Variants in GRID2 observed in about 807,000 individuals in gnomAD.
GRID2 encodes glutamate receptor ionotropic, delta-2.
GRID2 carries 33 observed loss-of-function variants against 114.8 expected under a neutral mutation model. The ratio of observed to expected loss-of-function variants is 0.29; its 90% confidence interval spans 0.22 to 0.38. The LOEUF (loss-of-function observed/expected upper bound fraction) is 0.38, where lower values mean the gene tolerates loss of function less well. Ranked by LOEUF, GRID2 falls within the 10% of genes least tolerant of loss-of-function variation. The pLI, the probability that GRID2 is intolerant of heterozygous loss-of-function variation, is 1.00. For missense variants in GRID2, 1,184 were observed against 1,257.7 expected, an observed-to-expected ratio of 0.94 and a Z score of 0.89; for synonymous variants, 505 against 449.9, an observed-to-expected ratio of 1.12 and a Z score of -1.55.
At chr4:92,672,605 T>C (rs1733129240) in intron 2 of GRID2, among the ~76,000 whole-genome samples, 1 of 152,162 alleles carries the variant, frequency 6.6e-6, no homozygotes, top group African/African-American at 2.4e-5. Context: ...TTATATTTAA[T>C]GTACTTATTG....
intron 13 of GRID2, among the ~76,000 whole-genome samples, chr4:93,537,333 T>C (rs1732196002): frequency 1.3e-5 from 2 of 151,696 alleles, no homozygotes; most frequent in Non-Finnish European, 3.0e-5. Flanking sequence ...AGCAGGTTTT[T>C]GAGAGATATA....
chr4:92,720,949 A>G (rs1735781243), intron 2 of GRID2, among the ~76,000 whole-genome samples: 1 of 152,278 alleles, frequency 6.6e-6, no homozygotes, highest in Non-Finnish European at 1.5e-5. Flanking sequence ...TGGTATAAAT[A>G]TAATGGAATA....
chr4:93,017,188 A>G (rs1722830974), intron 2 of GRID2, among the ~76,000 whole-genome samples: 1 of 152,176 alleles, frequency 6.6e-6, no homozygotes, highest in South Asian at 2.1e-4. Flanking sequence ...AAAACCAAGA[A>G]TAGGAATGTT....
At chr4:92,440,819 G>C (rs932359339) in intron 1 of GRID2, among the ~76,000 whole-genome samples, 1 of 152,166 alleles carries the variant, frequency 6.6e-6, no homozygotes, top group African/African-American at 2.4e-5. Context: ...TGGGGGTCAA[G>C]TGTGGTATCA....
chr4:92,305,657 A>G (rs1725356530), intron 1 of GRID2, among the ~76,000 whole-genome samples: 1 of 152,002 alleles, frequency 6.6e-6, no homozygotes, highest in Admixed American at 6.5e-5. Context: ...GGCCCCACCT[A>G]TTGGCAACCA....
chr4:92,544,367 T>C (rs1212522360), intron 1 of GRID2, among the ~76,000 whole-genome samples: 1 of 152,080 alleles, frequency 6.6e-6, no homozygotes, highest in Non-Finnish European at 1.5e-5. Context: ...GTACAACTGG[T>C]ATTAGTTTTT....
chr4:92,899,162 A>C (rs1471272248), intron 2 of GRID2, among the ~76,000 whole-genome samples: 1 of 152,104 alleles, frequency 6.6e-6, no homozygotes, highest in Non-Finnish European at 1.5e-5. Flanking sequence ...CGTTAATTTT[A>C]ATAATAGGAG....
intron 1 of GRID2, among the ~76,000 whole-genome samples, chr4:92,478,541 A>T (rs982962936): frequency 1.3e-5 from 2 of 152,134 alleles, no homozygotes; most frequent in Non-Finnish European, 2.9e-5. Context: ...GCTCATATTT[A>T]CATCAAAACT....
chr4:93,309,365 T>C (rs1755769403), intron 8 of GRID2, among the ~76,000 whole-genome samples: 1 of 152,002 alleles, frequency 6.6e-6, no homozygotes, highest in South Asian at 2.1e-4. Context: ...CGAAACCCTG[T>C]CTCTGTTAAA....
chr4:92,954,755 TCCCTCCC>T (rs898625393), intron 2 of GRID2, among the ~76,000 whole-genome samples: 2 of 111,592 alleles, frequency 1.8e-5, no homozygotes, highest in African/African-American at 7.0e-5. Flanking sequence ...CCCAATGCTA[TCCCTCCC>T]CCCTCCCCCC....
At chr4:93,123,924 C>T (rs1008899758) in intron 4 of GRID2, among the ~76,000 whole-genome samples, 1 of 128,986 alleles carries the variant, frequency 7.8e-6, no homozygotes, top group East Asian at 2.3e-4. Context: ...CAAAAACAAA[C>T]GGAGTAGTTA....
At chr4:93,240,513 T>G (rs1395179800) in intron 8 of GRID2, among the ~76,000 whole-genome samples, 1 of 151,420 alleles carries the variant, frequency 6.6e-6, no homozygotes, top group East Asian at 1.9e-4. Context: ...TATTCTGAAT[T>G]TTAGTGTTTT....
At chr4:92,660,069 C>A (rs756297514) in intron 2 of GRID2, among the ~76,000 whole-genome samples, 1 of 151,402 alleles carries the variant, frequency 6.6e-6, no homozygotes, top group African/African-American at 2.4e-5. Flanking sequence ...AGAATATCCA[C>A]GAAAATATCA....
At chr4:92,380,528 T>G (rs1729569121) in intron 1 of GRID2, among the ~76,000 whole-genome samples, 1 of 152,036 alleles carries the variant, frequency 6.6e-6, no homozygotes, top group Admixed American at 6.6e-5. Flanking sequence ...TTGTCTCATT[T>G]TTCTATGTAT....
chr4:93,170,515 T>C (rs1738701613), intron 4 of GRID2, among the ~76,000 whole-genome samples: 1 of 152,158 alleles, frequency 6.6e-6, no homozygotes, highest in Non-Finnish European at 1.5e-5. Flanking sequence ...TTATTTCCAT[T>C]GAGATATAGA....
chr4:92,520,011 A>G (rs895168028), intron 1 of GRID2, among the ~76,000 whole-genome samples: 12 of 151,994 alleles, frequency 7.9e-5, no homozygotes, highest in Middle Eastern at 3.4e-3. Flanking sequence ...TTAACCAAGT[A>G]TCTAGGCACT....
chr4:92,602,974 C>T (rs2149220953), intron 2 of GRID2, among the ~76,000 whole-genome samples: 1 of 152,082 alleles, frequency 6.6e-6, no homozygotes, highest in East Asian at 1.9e-4. Context: ...AATAAAATAC[C>T]TTGGAATACA....
intron 10 of GRID2, among the ~76,000 whole-genome samples, chr4:93,429,553 G>A (rs1769199398): frequency 1.3e-5 from 2 of 152,218 alleles, no homozygotes; most frequent in South Asian, 4.1e-4. Flanking sequence ...TTTTACCTGA[G>A]CGTTTCCACC....
At chr4:92,511,438 A>G (rs1369805960) in intron 1 of GRID2, among the ~76,000 whole-genome samples, 1 of 151,898 alleles carries the variant, frequency 6.6e-6, no homozygotes, top group Non-Finnish European at 1.5e-5. Flanking sequence ...AGAGGAGACA[A>G]ACATCCAAAT....
Sources: allele counts gnomAD v4.1 joint callset (sites outside exome capture counted in the v4.1 genomes callset), GRCh38; gene constraint gnomAD v4.1.1; transcripts MANE v1.5; gene names NCBI Gene and HGNC (gene_info 2026-07-23, HGNC 2026-07-21).